The following CCDC192 variants were observed in gnomAD, a reference collection of about 807,000 sequenced individuals.
CCDC192 encodes coiled-coil domain containing 192, also known as coiled-coil domain-containing protein 192.
intron 6 of CCDC192, among the ~76,000 whole-genome samples, chr5:127,936,939 G>T (rs947098889): frequency 2.0e-5 from 3 of 152,214 alleles, no homozygotes; most frequent in African/African-American, 7.2e-5. Context: ...GAGACTAGAT[G>T]GGGGGAGAGG....
chr5:127,939,023 C>T (rs979508726), intron 6 of CCDC192, among the ~76,000 whole-genome samples: 1 of 151,590 alleles, frequency 6.6e-6, no homozygotes, highest in African/African-American at 2.4e-5. Flanking sequence ...ACAGGCTTAT[C>T]GCAGAGGCAA....
At chr5:127,896,693 G>A (rs1349404064) in intron 6 of CCDC192, among the ~76,000 whole-genome samples, 1 of 152,060 alleles carries the variant, frequency 6.6e-6, no homozygotes, top group African/African-American at 2.4e-5. Context: ...TGATCCACCC[G>A]CCTCGGCCTC....
intron 5 of CCDC192, among the ~76,000 whole-genome samples, chr5:127,822,404 A>G (rs1226955155): frequency 6.6e-6 from 1 of 152,230 alleles, no homozygotes; most frequent in African/African-American, 2.4e-5. Flanking sequence ...GGCAGGACAT[A>G]GCAGTAAGCA....
At chr5:127,729,174 T>G (rs1740722924) in intron 2 of CCDC192, among the ~76,000 whole-genome samples, 1 of 152,104 alleles carries the variant, frequency 6.6e-6, no homozygotes, top group African/African-American at 2.4e-5. Flanking sequence ...CCCAAAGTGC[T>G]GGGAATACAG....
At chr5:127,750,355 C>T (rs1754070699) in intron 2 of CCDC192, among the ~76,000 whole-genome samples, 1 of 152,108 alleles carries the variant, frequency 6.6e-6, no homozygotes, top group Non-Finnish European at 1.5e-5. Flanking sequence ...TTATTTCTGC[C>T]TTCATTTCAT....
chr5:127,904,275 C>G (rs893548259), intron 6 of CCDC192, among the ~76,000 whole-genome samples: 11 of 152,090 alleles, frequency 7.2e-5, no homozygotes, highest in African/African-American at 2.7e-4. Flanking sequence ...GATTTTAGCC[C>G]GGTGAAACCT....
chr5:127,936,018 C>A (rs1335921599), intron 6 of CCDC192, among the ~76,000 whole-genome samples: 1 of 152,112 alleles, frequency 6.6e-6, no homozygotes, highest in Non-Finnish European at 1.5e-5. Flanking sequence ...GCAGGAGAAT[C>A]GCTTGAACCC....
At chr5:127,743,358 A>AAATCATCC (rs1408026213) in intron 2 of CCDC192, among the ~76,000 whole-genome samples, 2 of 152,256 alleles carry the variant, frequency 1.3e-5, no homozygotes, top group South Asian at 4.1e-4. Context: ...CACACCTTCT[A>AAATCATCC]AATCATCCCT....
At chr5:127,846,834 A>C (rs552583681) in intron 5 of CCDC192, among the ~76,000 whole-genome samples, 82 of 149,344 alleles carry the variant, frequency 5.5e-4, no homozygotes, top group African/African-American at 1.7e-3. Flanking sequence ...AAAAAAAAAA[A>C]AAAAAAAAAA....
At chr5:127,935,218 TTA>T (rs972434918) in intron 6 of CCDC192, 1 of 152,240 alleles carries the variant, frequency 6.6e-6, no homozygotes, top group African/African-American at 2.4e-5. Context: ...AGCCAACATT[TTA>T]TCTTATTTAT....
intron 2 of CCDC192, among the ~76,000 whole-genome samples, chr5:127,752,328 AACAG>A (rs1297121467): frequency 3.9e-5 from 6 of 152,084 alleles, no homozygotes; most frequent in Non-Finnish European, 8.8e-5. Flanking sequence ...TTTTCCTTCT[AACAG>A]ACAGGACCCT....
rs182891891 is a variant in CCDC192, at chr5:127,904,162, A to T, written c.535+28501A>T. Among the ~76,000 whole-genome samples the T allele has an allele frequency of 2.8e-3, 429 of 152,304 alleles. 1 individual carries two copies. The highest frequency in any genetic ancestry group is 9.9e-3 in the African/African-American group (412 of 41,552). ...ACTGTCTTTGAGGATAGAGAAAGGG[A>T]GCCACGAACCAAGAAATATGGACAG... On this transcript the variant is annotated intron_variant, in intron 6 of 6. Transcript: ENST00000514853.
rs1006612940 is a variant in CCDC192 at position 127,723,268 on chromosome 5, G to A, written c.114+15508G>A. Among the ~76,000 whole-genome samples, 5 of 151,932 alleles carry A rather than the reference G, an allele frequency of 3.3e-5. No homozygotes were observed. The South Asian group carries it at 6.2e-4, about 19-fold the overall frequency. ...TTTCTTTTTCAGGTTGTTTGCTGTT[G>A]GCATACAGAAATGTTACTGATTTTT... On this transcript the variant is annotated intron_variant, in intron 2 of 6. Coordinates refer to ENST00000514853, the MANE Select transcript of CCDC192 (RefSeq NM_001317938.2).
intron 1 of CCDC192, 85 bp downstream of exon 1, chr5:127,703,592 C>A (rs1340395369): frequency 4.6e-5 from 18 of 393,100 alleles, no homozygotes; most frequent in Non-Finnish European, 7.2e-5. Context: ...AAAAAAAAAT[C>A]TTTCTTTAAA....
chr5:127,741,399 G>T (rs576330887), intron 2 of CCDC192, among the ~76,000 whole-genome samples: 100 of 152,286 alleles, frequency 6.6e-4, no homozygotes, highest in African/African-American at 2.3e-3. Context: ...AAGGTGACTA[G>T]CATGTGATAT....
chr5:127,886,503 C>T (rs1232545714), intron 6 of CCDC192, among the ~76,000 whole-genome samples: 3 of 152,158 alleles, frequency 2.0e-5, no homozygotes, highest in Non-Finnish European at 4.4e-5. Context: ...CCTCGTCCTC[C>T]TCAGATGCTG....
chr5:127,900,864 A>G (rs1753018894), intron 6 of CCDC192, among the ~76,000 whole-genome samples: 1 of 152,218 alleles, frequency 6.6e-6, no homozygotes, highest in Non-Finnish European at 1.5e-5. Context: ...GCTATGTTCT[A>G]TCAGAATCTA....
At chr5:127,825,677 A>C (rs1749494693) in intron 5 of CCDC192, among the ~76,000 whole-genome samples, 1 of 152,230 alleles carries the variant, frequency 6.6e-6, no homozygotes, top group African/African-American at 2.4e-5. Flanking sequence ...CCAATGATGT[A>C]CATTTTATAT....
intron 2 of CCDC192, among the ~76,000 whole-genome samples, chr5:127,748,918 T>G (rs1044818272): frequency 4.6e-5 from 7 of 151,874 alleles, no homozygotes; most frequent in African/African-American, 1.7e-4. Flanking sequence ...TTGTCTGTTG[T>G]TGGTGTATAG....
Sources: gnomAD v4.1 joint callset for allele counts (sites outside exome capture counted in the v4.1 genomes callset) on GRCh38, gnomAD v4.1.1 for gene constraint, MANE v1.5 for transcripts, NCBI Gene and HGNC (gene_info 2026-07-23, HGNC 2026-07-21) for gene names.